Variants in DRC11 observed in about 807,000 individuals in gnomAD.
DRC11 encodes IQ and AAA domain-containing protein 1.
At chr2:236,480,631 C>T in the DRC11 span, among the ~76,000 whole-genome samples, 1 of 152,094 alleles carries the variant, frequency 6.6e-6, no homozygotes, top group African/African-American at 2.4e-5. Flanking sequence ...AGTTGCTTTC[C>T]TGTGTTATTT....
chr2:236,357,768 T>C, the DRC11 span, among the ~76,000 whole-genome samples: 1 of 126,452 alleles, frequency 7.9e-6, no homozygotes, highest in Non-Finnish European at 1.5e-5. Flanking sequence ...ATACATATAC[T>C]ATGTAAATAT....
the DRC11 span, chr2:236,391,898 G>T: frequency 7.9e-7 from 1 of 1,259,270 alleles, no homozygotes; most frequent in Non-Finnish European, 1.2e-6. The surrounding 1 kb of genome is among the most constrained non-coding windows in gnomAD (Gnocchi z 4.5). Context: ...TCCTGGACAT[G>T]CCACAGCATG....
chr2:236,343,393 G>A, the DRC11 span, among the ~76,000 whole-genome samples: 3 of 152,216 alleles, frequency 2.0e-5, no homozygotes, highest in African/African-American at 7.2e-5. The surrounding 1 kb of genome is among the most constrained non-coding windows in gnomAD (Gnocchi z 6.6). Context: ...TGAACTCAGA[G>A]GCCGTGCGGG....
chr2:236,326,655 G>T, the DRC11 span, among the ~76,000 whole-genome samples: 1 of 151,524 alleles, frequency 6.6e-6, no homozygotes, highest in Non-Finnish European at 1.5e-5. Flanking sequence ...TTTCCAAAAT[G>T]TTCTGTGCAT....
At chr2:236,317,455 G>A in the DRC11 span, among the ~76,000 whole-genome samples, 16 of 152,144 alleles carry the variant, frequency 1.1e-4, no homozygotes, top group Non-Finnish European at 1.6e-4. This position sits in a 1 kb window ranked among gnomAD's most constrained non-coding sequence, Gnocchi z 5.4. Context: ...GAAGAAGCCC[G>A]ACGGAAATGA....
chr2:236,367,966 C>A, the DRC11 span: 1 of 561,864 alleles, frequency 1.8e-6, no homozygotes, highest in Admixed American at 2.9e-5. The surrounding 1 kb of genome is among the most constrained non-coding windows in gnomAD (Gnocchi z 4.8). Context: ...TCCTTCAGCC[C>A]AGCACTGCTA....
chr2:236,451,982 T>C, the DRC11 span, among the ~76,000 whole-genome samples: 28 of 152,366 alleles, frequency 1.8e-4, no homozygotes, highest in Non-Finnish European at 3.5e-4. Flanking sequence ...GGAAACTCTT[T>C]GATTTACATG....
chr2:236,373,672 T>A, the DRC11 span, among the ~76,000 whole-genome samples: 1 of 152,246 alleles, frequency 6.6e-6, no homozygotes, highest in Non-Finnish European at 1.5e-5. Flanking sequence ...TGCATGGGCA[T>A]TGACCTTGAA....
the DRC11 span, among the ~76,000 whole-genome samples, chr2:236,505,228 C>A: frequency 6.6e-6 from 1 of 152,156 alleles, no homozygotes; most frequent in African/African-American, 2.4e-5. Flanking sequence ...TACAGCTTGG[C>A]AGTTTTCCTA....
chr2:236,483,591 A>C, the DRC11 span, among the ~76,000 whole-genome samples: 3 of 152,172 alleles, frequency 2.0e-5, no homozygotes, highest in East Asian at 5.8e-4. This position sits in a 1 kb window ranked among gnomAD's most constrained non-coding sequence, Gnocchi z 4.8. Flanking sequence ...GGCAGTTCCA[A>C]GTTTCTGGAA....
the DRC11 span, chr2:236,494,026 G>A: frequency 3.1e-6 from 2 of 654,044 alleles, no homozygotes; most frequent in Non-Finnish European, 4.7e-6. This position sits in a 1 kb window ranked among gnomAD's most constrained non-coding sequence, Gnocchi z 4.2. Context: ...AAAAAAATGA[G>A]GCCAGCGGAG....
chr2:236,356,527 G>T, the DRC11 span, among the ~76,000 whole-genome samples: 1 of 152,216 alleles, frequency 6.6e-6, no homozygotes, highest in African/African-American at 2.4e-5. Flanking sequence ...CTGACCTAGC[G>T]TGAAATCCAG....
the DRC11 span, among the ~76,000 whole-genome samples, chr2:236,352,581 G>C: frequency 6.6e-6 from 1 of 152,266 alleles, no homozygotes; most frequent in South Asian, 2.1e-4. This position sits in a 1 kb window ranked among gnomAD's most constrained non-coding sequence, Gnocchi z 7.0. Flanking sequence ...GTGTTCTTTA[G>C]TAAAAATCTC....
chr2:236,497,171 G>A, the DRC11 span: 1 of 1,607,252 alleles, frequency 6.2e-7, no homozygotes, highest in Non-Finnish European at 8.5e-7. This position sits in a 1 kb window ranked among gnomAD's most constrained non-coding sequence, Gnocchi z 5.1. Flanking sequence ...ACGGGGGCCA[G>A]CTTGAGATCC....
At chr2:236,450,019 G>A in the DRC11 span, among the ~76,000 whole-genome samples, 5 of 152,310 alleles carry the variant, frequency 3.3e-5, no homozygotes, top group South Asian at 4.1e-4. Context: ...GGAGGCATGC[G>A]ACTGGAGGGA....
At chr2:236,432,908 G>C in the DRC11 span, among the ~76,000 whole-genome samples, 1 of 151,872 alleles carries the variant, frequency 6.6e-6, no homozygotes, top group Non-Finnish European at 1.5e-5. Context: ...TGTTTTATAC[G>C]TAAGTGTTTG....
the DRC11 span, among the ~76,000 whole-genome samples, chr2:236,322,827 T>C: frequency 1.3e-5 from 2 of 152,326 alleles, no homozygotes; most frequent in South Asian, 4.1e-4. Context: ...TACAATAAAA[T>C]ATTCAGTTCT....
At chr2:236,377,002 C>T in the DRC11 span, 84 of 816,016 alleles carry the variant, frequency 1.0e-4, no homozygotes, top group Non-Finnish European at 1.6e-4. The surrounding 1 kb of genome is among the most constrained non-coding windows in gnomAD (Gnocchi z 4.9). Flanking sequence ...CAGGTTTTGG[C>T]TTGAACAAAA....
At chr2:236,364,978 A>T in the DRC11 span, among the ~76,000 whole-genome samples, 1 of 152,172 alleles carries the variant, frequency 6.6e-6, no homozygotes, top group East Asian at 1.9e-4. Flanking sequence ...CTCAATGAGC[A>T]TGCCTTTTTT....
Sources: allele counts gnomAD v4.1 joint callset (sites outside exome capture counted in the v4.1 genomes callset), GRCh38; gene constraint gnomAD v4.1.1; non-coding constraint Gnocchi (gnomAD v3.1); transcripts MANE v1.5; gene names NCBI Gene and HGNC (gene_info 2026-07-23, HGNC 2026-07-21).